PTGDR2: variants seen among roughly 807,000 people sequenced by gnomAD.
PTGDR2 encodes the protein prostaglandin D2 receptor 2.
For synonymous variants in PTGDR2, 276 were observed against 278.4 expected (o/e 0.99, Z 0.09); for missense variants, 544 against 576.6 (o/e 0.94, Z 0.58).
rs1855308071 is a variant in PTGDR2, at chr11:60,853,236, T to TGTTGAGCACCGC, written c.475_486dup (p.Ala159_Asn162dup). 1 of 1,613,152 alleles carries TGTTGAGCACCGC rather than the reference T, an allele frequency of 6.2e-7. No homozygotes were observed. The highest frequency in any genetic ancestry group is 8.5e-7 in the Non-Finnish European group (1 of 1,179,858). On this transcript the variant is annotated inframe_insertion, in exon 2 of 2. Transcript: ENST00000332539. ...TCCCGGAACACGAAATAGGGCACCGTGTTGAGCACCGCTAGTGCCCAAAGC... is the reference window on the plus strand; with the variant it reads ...TCCCGGAACACGAAATAGGGCACCGTGTTGAGCACCGCGTTGAGCACCGCTAGTGCCCAAAGC...
In PTGDR2 at chr11:60,853,236, T is replaced by C. The variant is rs2134809114; in HGVS notation, c.487A>G (p.Thr163Ala). 1.2e-6 allele frequency: 2 copies of C among 1,613,270 alleles called. No individual in the cohort carries two copies. Among genetic ancestry groups the C allele is most frequent in the East Asian group, 4.5e-5 (2 of 44,876 alleles). The stretch of plus-strand genomic sequence containing the variant: ...TCCCGGAACACGAAATAGGGCACCG[T>C]GTTGAGCACCGCTAGTGCCCAAAGC... ...LVLWALAVLN[T>A]VPYFVFRDTI... The change falls in exon 2 of 2, where the codon ACG (threonine) becomes GCG (alanine). Residue 163 changes from threonine to alanine, a missense_variant. Physicochemically the swap from Thr to Ala is moderately conservative, Grantham distance 58. Transcript: ENST00000332539.
Position 60,852,744 on chromosome 11 carries a change from G to A in PTGDR2, c.979C>T (p.Leu327=). The A allele has an allele frequency of 6.7e-7, 1 of 1,496,034 alleles. No homozygotes were observed. Among genetic ancestry groups the A allele is most frequent in the Non-Finnish European group, 9.0e-7 (1 of 1,116,556 alleles). 92.7% of individuals were successfully genotyped at this position (1,496,034 alleles called of 1,614,324 possible). The change falls in exon 2 of 2, where the codon CTG becomes TTG. Residue 327 remains leucine, a synonymous_variant. Coordinates refer to ENST00000332539, the MANE Select transcript of PTGDR2 (RefSeq NM_004778.3). ...RSLRTVLESV[L]VDDSELGGAG... ...CCACCCAGCTCGCTGTCGTCCACCA[G>A]CACGCTCTCCAGCACCGTGCGCAGC...
rs374186483 is a variant in PTGDR2 at position 60,853,175 on chromosome 11, T to G, written c.548A>C (p.Tyr183Ser). Residue 183 changes from tyrosine to serine, a missense_variant, in exon 2 of 2, where the codon TAC (tyrosine) becomes TCC (serine). Transcript: ENST00000332539. ...ISRLDGRIMC[Y>S]YNVLLLNPGP... ...CGGGTTCAGGAGCAGCACATTGTAG[T>G]AGCACATAATGCGCCCGTCCAGCCG... The G allele has an allele frequency of 4.3e-5, 70 of 1,609,920 alleles. No individual in the cohort carries two copies. The highest frequency in any genetic ancestry group is 5.6e-5 in the Non-Finnish European group (66 of 1,179,836).
At chr11:60,854,948 T>C (rs561316520) in intron 1 of PTGDR2, among the ~76,000 whole-genome samples, 1 of 152,194 alleles carries the variant, frequency 6.6e-6, no homozygotes, top group Admixed American at 6.5e-5. Context: ...AGGGGAGCAA[T>C]GGTCTTCAGT....
In PTGDR2 at chr11:60,852,701, C is replaced by T; in HGVS notation, c.1022G>A (p.Arg341His). The T allele has an allele frequency of 2.8e-6, 4 of 1,441,092 alleles. No homozygotes were observed. Among genetic ancestry groups the T allele is most frequent in the South Asian group, 1.4e-5 (1 of 70,958 alleles). The allele number at this position is 1,441,092 out of a possible 1,614,324, so 89.3% of individuals were successfully genotyped here. Reference sequence around the variant, plus strand: ...GCGGGCGGTGGAGGAGGTGCGGCGGCGGCGGCTGCTTCCCGCGCCACCCAG... The same window carrying T: ...GCGGGCGGTGGAGGAGGTGCGGCGGTGGCGGCTGCTTCCCGCGCCACCCAG... The part of the protein sequence containing the change: ...SELGGAGSSR[R>H]RRTSSTARSA... The change falls in exon 2 of 2, where the codon CGC becomes CAC. Residue 341 changes from arginine (R) to histidine (H), a missense_variant. Arg to His is a conservative substitution (Grantham distance 29, BLOSUM62 0). Transcript: ENST00000332539.
In PTGDR2 at chr11:60,853,195, C is replaced by T; in HGVS notation, c.528G>A (p.Leu176=). The change falls in exon 2 of 2, where the codon CTG becomes CTA. Residue 176 remains leucine (L), a synonymous_variant. Coordinates refer to ENST00000332539, the MANE Select transcript of PTGDR2 (RefSeq NM_004778.3). ...YFVFRDTISR[L]DGRIMCYYNV... ...TGTAGTAGCACATAATGCGCCCGTC[C>T]AGCCGCGAGATGGTGTCCCGGAACA... 2 of 1,611,682 alleles carry T rather than the reference C, an allele frequency of 1.2e-6. No individual in the cohort carries two copies. Among genetic ancestry groups the T allele is most frequent in the Non-Finnish European group, 8.5e-7 (1 of 1,179,906 alleles).
intron 1 of PTGDR2, 149 bp from the exon 2 acceptor site, chr11:60,853,880 G>A (rs1855321577): frequency 3.0e-6 from 2 of 667,324 alleles, no homozygotes; most frequent in South Asian, 4.0e-5. Context: ...TAATATCCCA[G>A]CATTGCTGTG....
In PTGDR2 at chr11:60,852,665, G is replaced by C; in HGVS notation, c.1058C>G (p.Pro353Arg). The change falls in exon 2 of 2, where the codon CCT (proline) becomes CGT (arginine). Residue 353 changes from proline (P) to arginine (R), a missense_variant. Coordinates refer to ENST00000332539, the MANE Select transcript of PTGDR2 (RefSeq NM_004778.3). Reference protein sequence around the residue: ...RTSSTARSASPLALCSRPEEP... With the variant: ...RTSSTARSASRLALCSRPEEP... ...CTCCGGGCGGCTGCAGAGAGCTAAA[G>C]GGGAGGCCGAGCGGGCGGTGGAGGA... 1 of 1,393,780 alleles carries C rather than the reference G, an allele frequency of 7.2e-7. No homozygotes were observed. Among genetic ancestry groups the C allele is most frequent in the Non-Finnish European group, 9.4e-7 (1 of 1,066,934 alleles). The allele number at this position is 1,393,780 out of a possible 1,614,324, so 86.3% of individuals were successfully genotyped here.
In PTGDR2 at chr11:60,852,714, C is replaced by G; in HGVS notation, c.1009G>C (p.Gly337Arg). 1 of 1,457,640 alleles carries G rather than the reference C, an allele frequency of 6.9e-7. No individual in the cohort carries two copies. The highest frequency in any genetic ancestry group is 2.4e-5 in the Admixed American group (1 of 41,706). 90.3% of individuals were successfully genotyped at this position (1,457,640 alleles called of 1,614,324 possible). ...GAGGTGCGGCGGCGGCGGCTGCTTC[C>G]CGCGCCACCCAGCTCGCTGTCGTCC... ...LVDDSELGGA[G>R]SSRRRRTSST... Residue 337 changes from glycine (G) to arginine (R), a missense_variant, in exon 2 of 2, where the codon GGA becomes CGA. Gly to Arg is a moderately radical substitution (Grantham distance 125, BLOSUM62 -2). Transcript: ENST00000332539.
Position 60,851,637 on chromosome 11 carries a change from T to G in PTGDR2, c.*898A>C, listed in dbSNP as rs1221972824. The stretch of plus-strand genomic sequence containing the variant: ...GTAGTCTTAGAGTTGCTGTGCCCAT[T>G]CAACTTCTAACGACCGAAGACTTTT... On this transcript the variant is annotated 3_prime_UTR_variant, in exon 2 of 2. Transcript: ENST00000332539. 6.6e-6 allele frequency: 1 copy of G among 152,232 alleles called. No homozygotes were observed. Among genetic ancestry groups the G allele is most frequent in the Admixed American group, 6.5e-5 (1 of 15,288 alleles). 9.4% of individuals were successfully genotyped at this position (152,232 alleles called of 1,614,324 possible).
chr11:60,853,103 G>T lies in PTGDR2; in HGVS notation c.620C>A (p.Ala207Asp). 6.2e-7 allele frequency: 1 copy of T among 1,602,284 alleles called. No homozygotes were observed. The highest frequency in any genetic ancestry group is 2.2e-5 in the East Asian group (1 of 44,696). Residue 207 changes from alanine (A) to aspartate (D), a missense_variant, in exon 2 of 2, where the codon GCC becomes GAC. Coordinates refer to ENST00000332539, the MANE Select transcript of PTGDR2 (RefSeq NM_004778.3). ...ATCNSRQVAL[A>D]VSKFLLAFLV... ...GAAGGCCAGCAGGAACTTGCTGACG[G>T]CCAGGGCCACCTGCCGCGAGTTGCA...
intron 1 of PTGDR2, among the ~76,000 whole-genome samples, chr11:60,855,490 GAAA>G (rs34051850): frequency 1.6e-5 from 2 of 125,458 alleles, no homozygotes; most frequent in Non-Finnish European, 3.4e-5. Context: ...GGCAGGTTAA[GAAA>G]AAAAAAAAAA....
chr11:60,853,296 G>A lies in PTGDR2; in HGVS notation c.427C>T (p.Arg143Cys), dbSNP rs777277288. Reference protein sequence around the residue: ...VVRPVWAQNHRTVAAAHKVCL... With the variant: ...VVRPVWAQNHCTVAAAHKVCL... ...ACTTTGTGCGCCGCGGCCACGGTGC[G>A]GTGGTTCTGCGCCCACACCGGCCGC... is the stretch of plus-strand genomic sequence containing the variant. The change falls in exon 2 of 2, where the codon CGC (arginine) becomes TGC (cysteine). Residue 143 changes from arginine to cysteine, a missense_variant. Arg to Cys is a radical substitution (Grantham distance 180). Coordinates refer to ENST00000332539, the MANE Select transcript of PTGDR2 (RefSeq NM_004778.3). 8 of 1,611,840 alleles carry A rather than the reference G, an allele frequency of 5.0e-6. No individual in the cohort carries two copies. In the Admixed American group the frequency reaches 6.7e-5, roughly 13 times the overall value.
Position 60,852,598 on chromosome 11 carries a change from GC to G in PTGDR2, c.1124del (p.Gly375AlafsTer12). 1.5e-6 allele frequency: 2 copies of G among 1,306,832 alleles called. No homozygotes were observed. The highest frequency in any genetic ancestry group is 1.9e-6 in the Non-Finnish European group (2 of 1,027,788). 81.0% of individuals were successfully genotyped at this position (1,306,832 alleles called of 1,614,324 possible). On this transcript the variant is annotated frameshift_variant, in exon 2 of 2. Transcript: ENST00000332539. LOFTEE classifies it low-confidence loss of function (END_TRUNC). ...CCGTCTGCGGGGACGCTGCGCAGCT[GC>G]CCAGCAGCCAGCCGAGGAGACGCGC... ...GPARLLGWLLGSCAASPQTGP... is the reference protein window; with the variant it reads ...GPARLLGWLLXSCAASPQTGP...
In PTGDR2 at chr11:60,853,522, G is replaced by A. The variant is rs1217746003; in HGVS notation, c.201C>T (p.Thr67=). The A allele has an allele frequency of 9.0e-6, 14 of 1,557,814 alleles. No individual in the cohort carries two copies. Among genetic ancestry groups the A allele is most frequent in the Admixed American group, 3.9e-5 (2 of 51,624 alleles). ...VGCRMRQTVV[T]TWVLHLALSD... ...ACAGCGCCAGGTGCAGCACCCAGGT[G>A]GTGACCACGGTCTGGCGCATGCGGC... Residue 67 remains threonine, a synonymous_variant, in exon 2 of 2, where the codon ACC becomes ACT. Coordinates refer to ENST00000332539, the MANE Select transcript of PTGDR2 (RefSeq NM_004778.3).
intron 1 of PTGDR2, 113 bp from the exon 2 acceptor site, chr11:60,853,844 A>G (rs1855320496): frequency 2.7e-6 from 2 of 739,006 alleles, no homozygotes; most frequent in East Asian, 2.9e-5. Context: ...ACCCACGAAT[A>G]TATTGGGCGG....
intron 1 of PTGDR2, among the ~76,000 whole-genome samples, chr11:60,854,034 G>C (rs1855323360): frequency 6.6e-6 from 1 of 152,228 alleles, no homozygotes; most frequent in African/African-American, 2.4e-5. Flanking sequence ...GCCTGGCACA[G>C]AGCAAGCACT....
In PTGDR2 at chr11:60,852,713, C is replaced by A; in HGVS notation, c.1010G>T (p.Gly337Val). Residue 337 changes from glycine (G) to valine (V), a missense_variant, in exon 2 of 2, where the codon GGA becomes GTA. Transcript: ENST00000332539. ...LVDDSELGGA[G>V]SSRRRRTSST... ...GGAGGTGCGGCGGCGGCGGCTGCTTCCCGCGCCACCCAGCTCGCTGTCGTC... is the reference window on the plus strand; with the variant it reads ...GGAGGTGCGGCGGCGGCGGCTGCTTACCGCGCCACCCAGCTCGCTGTCGTC... The A allele has an allele frequency of 2.1e-6, 3 of 1,456,628 alleles. No individual in the cohort carries two copies. Among genetic ancestry groups the A allele is most frequent in the South Asian group, 1.3e-5 (1 of 74,326 alleles). The allele number at this position is 1,456,628 out of a possible 1,614,324, so 90.2% of individuals were successfully genotyped here.
At position 60,853,261 on chromosome 11, in the gene PTGDR2, C is replaced by A. The variant is rs1855308541; in HGVS notation, c.462G>T (p.Val154=). The change falls in exon 2 of 2, where the codon GTG becomes GTT. Residue 154 remains valine, a synonymous_variant. Transcript: ENST00000332539. The part of the protein sequence containing the change: ...TVAAAHKVCL[V]LWALAVLNTV... ...TGTTGAGCACCGCTAGTGCCCAAAG[C>A]ACCAGGCAGACTTTGTGCGCCGCGG... 11 of 1,612,976 alleles carry A rather than the reference C, an allele frequency of 6.8e-6. No homozygotes were observed. Among genetic ancestry groups the A allele is most frequent in the Non-Finnish European group, 9.3e-6 (11 of 1,179,716 alleles).
Sources: allele counts gnomAD v4.1 joint callset (sites outside exome capture counted in the v4.1 genomes callset), GRCh38; gene constraint gnomAD v4.1.1; transcripts MANE v1.5; gene names NCBI Gene and HGNC (gene_info 2026-07-23, HGNC 2026-07-21).